Variants in MIS18A observed in about 807,000 individuals in gnomAD.
MIS18A encodes the protein protein Mis18-alpha.
Under a neutral mutation model 25.0 loss-of-function variants are expected in MIS18A, and 14 were observed. The ratio of observed to expected loss-of-function variants is 0.56; its 90% CI spans 0.37 to 0.88. MIS18A has a LOEUF of 0.88. Ranked by LOEUF, MIS18A falls within the 40% of genes least tolerant of loss-of-function variation. The pLI is 0.00. For synonymous variants in MIS18A, 134 were observed against 118.6 expected, an observed-to-expected ratio of 1.13 and a Z score of -0.84; for missense variants, 292 against 290.8, an observed-to-expected ratio of 1.00 and a Z score of -0.03.
chr21:32,168,837 CAG>C, the MIS18A span, among the ~76,000 whole-genome samples: 16 of 152,078 alleles, frequency 1.1e-4, no homozygotes, highest in African/African-American at 3.6e-4. Context: ...AAGCAGCAAA[CAG>C]AGTATAACTA....
chr21:32,185,309 C>T, the MIS18A span, among the ~76,000 whole-genome samples: 88 of 152,232 alleles, frequency 5.8e-4, no homozygotes, highest in African/African-American at 1.9e-3. Context: ...GGAGAAAAAA[C>T]GGAGCACTCC....
At chr21:32,252,816 T>C in the MIS18A span, among the ~76,000 whole-genome samples, 2 of 152,212 alleles carry the variant, frequency 1.3e-5, no homozygotes. Context: ...CCTTCATGGG[T>C]GAGAATACAA....
chr21:32,181,063 A>G, the MIS18A span, among the ~76,000 whole-genome samples: 1 of 152,162 alleles, frequency 6.6e-6, no homozygotes, highest in Non-Finnish European at 1.5e-5. Context: ...GTGAACTGGC[A>G]TATAGAATCA....
chr21:32,263,311 T>C (rs2031538706), downstream of MIS18A, among the ~76,000 whole-genome samples: 1 of 152,234 alleles, frequency 6.6e-6, no homozygotes, highest in African/African-American at 2.4e-5. Flanking sequence ...AGTCTTAGAA[T>C]GAGACTGGAC....
the MIS18A span, among the ~76,000 whole-genome samples, chr21:32,163,999 G>A: frequency 6.6e-6 from 1 of 152,108 alleles, no homozygotes; most frequent in African/African-American, 2.4e-5. Flanking sequence ...GAAGAGGCGA[G>A]AGAGAGGAGG....
At chr21:32,239,612 C>T in the MIS18A span, among the ~76,000 whole-genome samples, 8 of 152,252 alleles carry the variant, frequency 5.3e-5, no homozygotes, top group South Asian at 2.1e-4. Flanking sequence ...CAGGTATGTG[C>T]GAGCCGCCTC....
At chr21:32,277,340 C>CAAACAA (rs1388325579) in intron 1 of MIS18A, among the ~76,000 whole-genome samples, 16 of 152,266 alleles carry the variant, frequency 1.1e-4, no homozygotes, top group South Asian at 6.2e-4. Context: ...TCTATCGAAA[C>CAAACAA]AAACAAATAA....
chr21:32,166,835 A>T, the MIS18A span, among the ~76,000 whole-genome samples: 2 of 152,224 alleles, frequency 1.3e-5, no homozygotes, highest in South Asian at 4.2e-4. Flanking sequence ...GCTTCCAAAG[A>T]AGAGAATATG....
chr21:32,238,451 T>C, the MIS18A span, among the ~76,000 whole-genome samples: 1 of 152,142 alleles, frequency 6.6e-6, no homozygotes. Flanking sequence ...TACACCAGCT[T>C]TTCTTTACTT....
At chr21:32,186,727 C>G in the MIS18A span, among the ~76,000 whole-genome samples, 1 of 152,128 alleles carries the variant, frequency 6.6e-6, no homozygotes, top group Non-Finnish European at 1.5e-5. Context: ...TTCACACGAG[C>G]AAAATTGTTC....
At chr21:32,184,574 T>A in the MIS18A span, among the ~76,000 whole-genome samples, 524 of 152,270 alleles carry the variant, frequency 3.4e-3, 3 homozygotes, top group African/African-American at 0.012. Context: ...TGACCTGATA[T>A]CCGTGATATG....
At chr21:32,216,594 T>G in the MIS18A span, among the ~76,000 whole-genome samples, 3 of 152,230 alleles carry the variant, frequency 2.0e-5, no homozygotes, top group Admixed American at 2.0e-4. Flanking sequence ...CAAAGAGAGC[T>G]TTTAAAAGCT....
At chr21:32,194,446 G>A in the MIS18A span, among the ~76,000 whole-genome samples, 93 of 152,128 alleles carry the variant, frequency 6.1e-4, 1 homozygote, top group African/African-American at 2.1e-3. Context: ...GATTACCTGA[G>A]GTTGGGAGTT....
At chr21:32,161,717 C>T in the MIS18A span, among the ~76,000 whole-genome samples, 1 of 139,164 alleles carries the variant, frequency 7.2e-6, no homozygotes, top group African/African-American at 3.0e-5. Context: ...ATCTCGAATG[C>T]CTGATCTCAG....
rs558102501 is a variant in MIS18A at position 32,276,460 on chromosome 21, CAAAAAAAA to C, written c.335-1572_335-1565del. Reference sequence around the variant, plus strand: ...TGGGCAACACAGTGAGACTCTGTCTCAAAAAAAAAAAAAAAAAAAAAAAAAAGGAAAAT... The same window carrying C: ...TGGGCAACACAGTGAGACTCTGTCTCAAAAAAAAAAAAAAAAAAGGAAAAT... On this transcript the variant is annotated intron_variant, in intron 1 of 4. Coordinates refer to ENST00000290130, the MANE Select transcript of MIS18A (RefSeq NM_018944.3). 3.6e-4 allele frequency among the ~76,000 whole-genome samples: 26 copies of C among 72,732 alleles called. 1 individual carries two copies. The highest frequency in any genetic ancestry group is 6.1e-4 in the African/African-American group (13 of 21,326). 47.7% of individuals were successfully genotyped at this position (72,732 alleles called of 152,430 possible). A position where few individuals can be genotyped will look rare whatever the true frequency, so the allele number is the denominator to read the frequency against.
At chr21:32,276,007 C>T (rs1214977564) in intron 1 of MIS18A, among the ~76,000 whole-genome samples, 2 of 152,132 alleles carry the variant, frequency 1.3e-5, no homozygotes, top group African/African-American at 4.8e-5. Context: ...CTCACTAGAA[C>T]AGATTACTAC....
the MIS18A span, among the ~76,000 whole-genome samples, chr21:32,242,061 TA>T: frequency 6.6e-6 from 1 of 152,178 alleles, no homozygotes; most frequent in Non-Finnish European, 1.5e-5. Flanking sequence ...TGTGTGTTTT[TA>T]GTAGAGACGG....
chr21:32,209,662 T>C, the MIS18A span, among the ~76,000 whole-genome samples: 1 of 152,170 alleles, frequency 6.6e-6, no homozygotes, highest in African/African-American at 2.4e-5. Context: ...TCCTCATGTG[T>C]GATGGGAGGG....
chr21:32,174,023 G>A, the MIS18A span, among the ~76,000 whole-genome samples: 2 of 130,118 alleles, frequency 1.5e-5, no homozygotes, highest in East Asian at 4.5e-4. Context: ...GGAGTGCGGT[G>A]GCACGATCTT....
Sources: allele counts gnomAD v4.1 joint callset (sites outside exome capture counted in the v4.1 genomes callset), GRCh38; gene constraint gnomAD v4.1.1; transcripts MANE v1.5; gene names NCBI Gene and HGNC (gene_info 2026-07-23, HGNC 2026-07-21).